The following IHO1 variants were observed in gnomAD, a reference collection of about 807,000 sequenced individuals.
IHO1 encodes interactor of HORMAD1 protein 1.
IHO1 carries 13 observed loss-of-function variants against 31.0 expected under a neutral mutation model. The observed-to-expected ratio is 0.42, with a 90% CI of 0.27 to 0.67. IHO1 has a LOEUF of 0.67. IHO1 is among the 30% of genes least tolerant of loss of function. The pLI is 0.24. For synonymous variants in IHO1, 221 were observed against 248.4 expected, an observed-to-expected ratio of 0.89 and a Z score of 1.04; for missense variants, 599 against 687.5, an observed-to-expected ratio of 0.87 and a Z score of 1.44.
upstream of IHO1, chr3:49,198,427 T>G (rs2046016054): frequency 6.6e-6 from 1 of 152,430 alleles, no homozygotes. Flanking sequence ...ACTCCTTGGC[T>G]GCTTTTCCTT....
At chr3:49,195,825 G>A (rs1416624379), upstream of IHO1, among the ~76,000 whole-genome samples, 1 of 151,836 alleles carries the variant, frequency 6.6e-6, no homozygotes, top group African/African-American at 2.4e-5. Flanking sequence ...CTGGGGGCCA[G>A]GCGCGGTGGC....
chr3:49,245,626 C>A (rs2107732564), intron 6 of IHO1: 1 of 152,342 alleles, frequency 6.6e-6, no homozygotes, highest in East Asian at 1.9e-4. Context: ...GTGAATACTT[C>A]TCTAGAACCA....
At chr3:49,205,596 A>AT (rs376808702) in intron 1 of IHO1, among the ~76,000 whole-genome samples, 1,473 of 138,544 alleles carry the variant, frequency 0.011, 19 homozygotes, top group African/African-American at 0.03. Context: ...CCTGGCCGTA[A>AT]TTTTTTTTTT....
intron 2 of IHO1, among the ~76,000 whole-genome samples, chr3:49,220,173 C>G (rs2046336563): frequency 6.6e-6 from 1 of 152,216 alleles, no homozygotes; most frequent in African/African-American, 2.4e-5. Flanking sequence ...CCCCACAGAT[C>G]AACAGGGAAA....
intron 2 of IHO1, among the ~76,000 whole-genome samples, chr3:49,212,372 C>G (rs1425621809): frequency 6.6e-6 from 1 of 151,150 alleles, no homozygotes; most frequent in East Asian, 2.0e-4. Flanking sequence ...AAAGAGTAGC[C>G]AGGCAAGGTG....
chr3:49,257,418 C>G lies in IHO1; in HGVS notation c.*136C>G, dbSNP rs1344280569. On this transcript the variant is annotated 3_prime_UTR_variant, in exon 8 of 8. Transcript: ENST00000452691. The stretch of plus-strand genomic sequence containing the variant: ...CCCTGCTGAGGTGGGGCAATGAGCA[C>G]GAGGGCAGGGAAGGTCCAGCATTCT... The G allele has an allele frequency of 1.2e-6, 1 of 831,216 alleles. No homozygotes were observed. The highest frequency in any genetic ancestry group is 1.9e-6 in the Non-Finnish European group (1 of 520,364). The allele number at this position is 831,216 out of a possible 1,614,324, so 51.5% of individuals were successfully genotyped here.
chr3:49,243,373 G>A (rs1395269948), intron 4 of IHO1, among the ~76,000 whole-genome samples: 2 of 151,940 alleles, frequency 1.3e-5, no homozygotes, highest in Non-Finnish European at 2.9e-5. Context: ...TCAAACTCCT[G>A]ACCTCAGGTG....
At chr3:49,209,952 G>A (rs1011147480) in intron 1 of IHO1, among the ~76,000 whole-genome samples, 1 of 151,248 alleles carries the variant, frequency 6.6e-6, no homozygotes, top group African/African-American at 2.4e-5. Context: ...TCCTGACCTC[G>A]TAATCCACTT....
chr3:49,204,191 C>G (rs1478119842), intron 1 of IHO1, among the ~76,000 whole-genome samples: 2 of 152,170 alleles, frequency 1.3e-5, no homozygotes, highest in Non-Finnish European at 2.9e-5. Flanking sequence ...CTAATCACCT[C>G]TTAACAGTCC....
chr3:49,211,893 T>G (rs2107686991), intron 2 of IHO1, 57 bp downstream of exon 2: 1 of 999,802 alleles, frequency 1.0e-6, no homozygotes, highest in South Asian at 1.3e-5. Flanking sequence ...CCGGGCATGA[T>G]GGCTCACACC....
chr3:49,249,463 G>T (rs908939356), intron 6 of IHO1, among the ~76,000 whole-genome samples: 1 of 151,750 alleles, frequency 6.6e-6, no homozygotes, highest in Admixed American at 6.6e-5. Context: ...TAGAGACAAG[G>T]TTTCACCATG....
At chr3:49,192,902 A>G in the IHO1 span, among the ~76,000 whole-genome samples, 2 of 151,782 alleles carry the variant, frequency 1.3e-5, no homozygotes, top group Non-Finnish European at 2.9e-5. Flanking sequence ...ATCTCAATAA[A>G]TGAATGAATG....
chr3:49,198,011 A>G (rs1333955129), upstream of IHO1, among the ~76,000 whole-genome samples: 1 of 152,138 alleles, frequency 6.6e-6, no homozygotes, highest in African/African-American at 2.4e-5. Flanking sequence ...TTCTGTCACT[A>G]TAGATTAATT....
chr3:49,248,681 T>G (rs2107736532), intron 6 of IHO1, among the ~76,000 whole-genome samples: 1 of 150,624 alleles, frequency 6.6e-6, no homozygotes, highest in East Asian at 2.0e-4. Context: ...GAGCTGAGAT[T>G]GCGCCATAGC....
chr3:49,212,926 C>G (rs1005736662), intron 2 of IHO1, among the ~76,000 whole-genome samples: 30 of 152,164 alleles, frequency 2.0e-4, no homozygotes, highest in African/African-American at 7.2e-4. Context: ...CTTATCTGGC[C>G]CCACCCACAT....
At position 49,255,511 on chromosome 3, in the gene IHO1, C is replaced by T; in HGVS notation, c.636+18C>T. On this transcript the variant is annotated intron_variant, in intron 7 of 7. Transcript: ENST00000452691. Reference sequence around the variant, plus strand: ...TTGAAGCTGTAAGTGTAAACCCCAACCTCTTTCTAAGTGTGTTTTGGGCTT... The same window carrying T: ...TTGAAGCTGTAAGTGTAAACCCCAATCTCTTTCTAAGTGTGTTTTGGGCTT... 6.6e-7 allele frequency: 1 copy of T among 1,511,154 alleles called. No individual in the cohort carries two copies. The highest frequency in any genetic ancestry group is 9.0e-7 in the Non-Finnish European group (1 of 1,113,926). 93.6% of individuals were successfully genotyped at this position (1,511,154 alleles called of 1,614,324 possible).
chr3:49,235,628 TA>T (rs2046550522), intron 2 of IHO1, among the ~76,000 whole-genome samples: 1 of 152,122 alleles, frequency 6.6e-6, no homozygotes, highest in Non-Finnish European at 1.5e-5. Flanking sequence ...ATTGATCTTT[TA>T]AAAAGATAAC....
Position 49,257,556 on chromosome 3 carries a change from G to A in IHO1, c.*274G>A. 1 of 397,722 alleles carries A rather than the reference G, an allele frequency of 2.5e-6. No individual in the cohort carries two copies. Among genetic ancestry groups the A allele is most frequent in the South Asian group, 2.9e-5 (1 of 34,362 alleles). The allele number at this position is 397,722 out of a possible 1,614,324, so 24.6% of individuals were successfully genotyped here. On this transcript the variant is annotated 3_prime_UTR_variant, in exon 8 of 8. Coordinates refer to ENST00000452691, the MANE Select transcript of IHO1 (RefSeq NM_001135197.2). The stretch of plus-strand genomic sequence containing the variant: ...CAGCAGCCTGGTTGTGGGGCATCTG[G>A]AGCAGGGTGCCTGTACTTTGGCGAA...
chr3:49,256,597 C>G lies in IHO1; in HGVS notation c.1100C>G (p.Ala367Gly). The G allele has an allele frequency of 6.2e-7, 1 of 1,614,160 alleles. No homozygotes were observed. Among genetic ancestry groups the G allele is most frequent in the Non-Finnish European group, 8.5e-7 (1 of 1,180,026 alleles). ...AACTGGGCTGTTACTAAAACAGGTG[C>G]CAAGAACCATGGTTCCAGCGTCCCA... is the stretch of plus-strand genomic sequence containing the variant. ...CKNWAVTKTG[A>G]KNHGSSVPGH... Residue 367 changes from alanine to glycine, a missense_variant, in exon 8 of 8, where the codon GCC becomes GGC. Transcript: ENST00000452691. This position sits in a 1 kb window ranked among gnomAD's most constrained non-coding sequence, Gnocchi z 4.6.
Sources: gnomAD v4.1 joint callset for allele counts (sites outside exome capture counted in the v4.1 genomes callset) on GRCh38, gnomAD v4.1.1 for gene constraint, Gnocchi (gnomAD v3.1) non-coding constraint, MANE v1.5 for transcripts, NCBI Gene and HGNC (gene_info 2026-07-23, HGNC 2026-07-21) for gene names.